Variants in TNRC6A observed in about 807,000 individuals in gnomAD.
The protein encoded by TNRC6A is trinucleotide repeat-containing gene 6A protein.
In TNRC6A, 44 loss-of-function variants were observed where a neutral mutation model predicts 221.2. That is an observed-to-expected ratio of 0.20 (90% CI 0.16 to 0.26). TNRC6A has a LOEUF of 0.26. Ranked by LOEUF, TNRC6A falls within the 10% of genes least tolerant of loss-of-function variation. The pLI is 1.00. For synonymous variants in TNRC6A, 847 were observed against 838.5 expected (o/e 1.01, Z -0.18); for missense variants, 2,199 against 2,404.4 (o/e 0.91, Z 1.79).
intron 2 of TNRC6A, among the ~76,000 whole-genome samples, chr16:24,686,620 G>A (rs1268470480): frequency 2.6e-5 from 4 of 152,132 alleles, no homozygotes; most frequent in South Asian, 2.1e-4. Flanking sequence ...TAGATTAAGC[G>A]CCAAAATGAT....
At chr16:24,649,398 T>TC (rs1902503373) in intron 2 of TNRC6A, among the ~76,000 whole-genome samples, 4 of 152,150 alleles carry the variant, frequency 2.6e-5, no homozygotes, top group Admixed American at 6.6e-5. Flanking sequence ...AACCTCGAAC[T>TC]CCTGGGCTCA....
chr16:24,660,212 C>A (rs2054999509), intron 2 of TNRC6A, among the ~76,000 whole-genome samples: 1 of 152,056 alleles, frequency 6.6e-6, no homozygotes. Context: ...GTTTGTAGAC[C>A]TTTATCCCTC....
rs764408850 is a variant in TNRC6A at position 24,790,955 on chromosome 16, C to T, written c.2313C>T (p.Ser771=). ...FNSGACIDKT[S]PNGNDTSSVS... ...CAGGGGCATGTATAGATAAGACTAG[C>T]CCTAATGGTAATGATACCTCATCTG... is the stretch of plus-strand genomic sequence containing the variant. The change falls in exon 6 of 25, where the codon AGC becomes AGT. Residue 771 remains serine (S), a synonymous_variant. Coordinates refer to ENST00000395799, the MANE Select transcript of TNRC6A (RefSeq NM_014494.4). 6.2e-7 allele frequency: 1 copy of T among 1,611,336 alleles called. No individual in the cohort carries two copies. Among genetic ancestry groups the T allele is most frequent in the South Asian group, 1.1e-5 (1 of 90,546 alleles).
chr16:24,750,744 A>C lies in TNRC6A; in HGVS notation c.72A>C (p.Glu24Asp). Residue 24 changes from glutamate (E) to aspartate (D), a missense_variant, in exon 3 of 25, where the codon GAA becomes GAC. Physicochemically the swap from Glu to Asp is conservative, Grantham distance 45 (BLOSUM62 2). Around this residue, in one of 8 missense-constraint regions of TNRC6A, gnomAD observed 1,405 missense variants for 1,400.2 expected, o/e 1.00. Transcript: ENST00000395799. ...RNLSRDLVQE[E>D]EQLMEEKKKK... Reference sequence around the variant, plus strand: ...GGTTCAGGGATTTAGTGCAAGAAGAAGAACAGTTGATGGAAGAAAAGAAAA... The same window carrying C: ...GGTTCAGGGATTTAGTGCAAGAAGACGAACAGTTGATGGAAGAAAAGAAAA... 6.4e-7 allele frequency: 1 copy of C among 1,555,652 alleles called. No individual in the cohort carries two copies. The highest frequency in any genetic ancestry group is 1.3e-5 in the South Asian group (1 of 78,740).
At chr16:24,685,275 C>T (rs572213513) in intron 2 of TNRC6A, among the ~76,000 whole-genome samples, 23 of 152,228 alleles carry the variant, frequency 1.5e-4, no homozygotes, top group South Asian at 6.2e-4. Flanking sequence ...GCGTATACAC[C>T]GGTAGGGAAA....
At chr16:24,657,125 A>C (rs811426) in intron 2 of TNRC6A, among the ~76,000 whole-genome samples, 119,907 of 151,444 alleles carry the variant, frequency 0.79, 47,748 homozygotes, top group East Asian at 0.99. Flanking sequence ...ACGGCCTGGG[A>C]GACATAGCAA....
In TNRC6A at chr16:24,744,801, A is replaced by T. The variant is rs549903923; in HGVS notation, c.54-5925A>T. 9.9e-5 allele frequency among the ~76,000 whole-genome samples: 15 copies of T among 152,234 alleles called. No individual in the cohort carries two copies. The South Asian group carries it at 2.9e-3, about 29-fold the overall frequency. On this transcript the variant is annotated intron_variant, in intron 2 of 24. Transcript: ENST00000395799. Reference sequence around the variant, plus strand: ...TGCTCATACTCTGTCACAAATATATATTTTTTATTAATTTGTATATGTACA... The same window carrying T: ...TGCTCATACTCTGTCACAAATATATTTTTTTTATTAATTTGTATATGTACA...
chr16:24,699,399 A>G (rs543310996), intron 2 of TNRC6A, among the ~76,000 whole-genome samples: 1 of 152,280 alleles, frequency 6.6e-6, no homozygotes, highest in East Asian at 1.9e-4. Flanking sequence ...ACTAGGAGAT[A>G]TTCAGGCAAA....
chr16:24,628,200 C>T (rs1460830804), intron 1 of TNRC6A, among the ~76,000 whole-genome samples: 2 of 151,670 alleles, frequency 1.3e-5, no homozygotes, highest in Non-Finnish European at 2.9e-5. Context: ...GGGTGGATCA[C>T]CTGAGGTCAG....
intron 3 of TNRC6A, among the ~76,000 whole-genome samples, chr16:24,752,917 AATTT>A (rs2057169248): frequency 6.6e-6 from 1 of 152,134 alleles, no homozygotes; most frequent in Non-Finnish European, 1.5e-5. Flanking sequence ...ATTTGTTTGG[AATTT>A]ATTCTATTTA....
At chr16:24,771,192 C>A (rs1051265976) in intron 4 of TNRC6A, among the ~76,000 whole-genome samples, 4 of 152,154 alleles carry the variant, frequency 2.6e-5, no homozygotes, top group Admixed American at 2.6e-4. Flanking sequence ...TTTTAACTCA[C>A]TTAAAATATT....
intron 1 of TNRC6A, among the ~76,000 whole-genome samples, chr16:24,614,082 T>G (rs955823805): frequency 6.6e-6 from 1 of 152,046 alleles, no homozygotes; most frequent in Non-Finnish European, 1.5e-5. Context: ...TGGTTCAGAG[T>G]TGGTTGTTCG....
intron 2 of TNRC6A, among the ~76,000 whole-genome samples, chr16:24,688,082 A>G (rs1457845626): frequency 6.7e-6 from 1 of 148,794 alleles, no homozygotes; most frequent in African/African-American, 2.5e-5. Flanking sequence ...ACAGGTGTCC[A>G]CCACCATGCC....
intron 2 of TNRC6A, among the ~76,000 whole-genome samples, chr16:24,735,339 G>A (rs979849310): frequency 6.6e-6 from 1 of 152,138 alleles, no homozygotes; most frequent in Admixed American, 6.5e-5. Context: ...TTAGGTCTCC[G>A]TAGCTAAGGT....
At chr16:24,631,200 G>A (rs1467305701) in intron 1 of TNRC6A, among the ~76,000 whole-genome samples, 2 of 152,054 alleles carry the variant, frequency 1.3e-5, no homozygotes, top group Non-Finnish European at 2.9e-5. Context: ...ATAGCATTTA[G>A]TATTTAAACA....
At chr16:24,730,106 A>G (rs971367968) in intron 1 of TNRC6A, 147 bp from the exon 2 acceptor site, 5 of 798,386 alleles carry the variant, frequency 6.3e-6, no homozygotes, top group Non-Finnish European at 9.0e-6. Context: ...GCAGCCCCGC[A>G]GCTTTGTGAG....
At chr16:24,795,562 T>C in intron 8 of TNRC6A, 1 of 252,756 alleles carries the variant, frequency 4.0e-6, no homozygotes. Flanking sequence ...TACCAGTGGA[T>C]AGCTGGACTA....
chr16:24,816,158 C>G (rs1405824795), intron 19 of TNRC6A: 1 of 151,620 alleles, frequency 6.6e-6, no homozygotes, highest in Non-Finnish European at 1.5e-5. Context: ...AACCCCATCT[C>G]TACTAAAAAT....
chr16:24,757,510 G>T (rs2057277833), intron 3 of TNRC6A, among the ~76,000 whole-genome samples: 1 of 152,080 alleles, frequency 6.6e-6, no homozygotes, highest in Non-Finnish European at 1.5e-5. Flanking sequence ...GTTATTTTCA[G>T]GATTCCCATA....
Sources: allele counts gnomAD v4.1 joint callset (sites outside exome capture counted in the v4.1 genomes callset), GRCh38; gene constraint gnomAD v4.1.1; regional missense constraint gnomAD v4.1.1; transcripts MANE v1.5; gene names NCBI Gene and HGNC (gene_info 2026-07-23, HGNC 2026-07-21).